Variants in PDCD11 observed in about 807,000 individuals in gnomAD.
The protein encoded by PDCD11 is programmed cell death 11.
PDCD11 carries 97 observed loss-of-function variants against 198.9 expected under a neutral mutation model. That is an observed-to-expected ratio of 0.49 (90% CI 0.41 to 0.58). The LOEUF (loss-of-function observed/expected upper bound fraction) is 0.58. PDCD11 is among the 20% of genes least tolerant of loss of function. PDCD11 has a pLI of 0.00. For synonymous variants in PDCD11, 893 were observed against 918.0 expected (o/e 0.97, Z 0.49); for missense variants, 2,102 against 2,312.7 (o/e 0.91, Z 1.87).
intron 25 of PDCD11, among the ~76,000 whole-genome samples, chr10:103,436,209 T>C (rs995348286): frequency 6.6e-6 from 1 of 152,104 alleles, no homozygotes; most frequent in Non-Finnish European, 1.5e-5. Context: ...CAAGCGATTC[T>C]TGTGCCTCAG....
At position 103,440,867 on chromosome 10, in the gene PDCD11, G is replaced by A. The variant is rs115545259; in HGVS notation, c.4557+17G>A. The A allele has an allele frequency of 1.6e-4, 248 of 1,565,476 alleles. No homozygotes were observed. The highest frequency in any genetic ancestry group is 2.0e-4 in the Non-Finnish European group (233 of 1,143,870). ...CTGCCCAAGGTGAGGGTGACGTCGC[G>A]GGGAGGGGAAGGCTGCTCCAGGCAA... On this transcript the variant is annotated intron_variant, in intron 30 of 35. Coordinates refer to ENST00000369797, the MANE Select transcript of PDCD11 (RefSeq NM_014976.2).
chr10:103,403,399 T>C lies in PDCD11; in HGVS notation c.402+114T>C, dbSNP rs1039297436. 4 of 949,720 alleles carry C rather than the reference T, an allele frequency of 4.2e-6. No homozygotes were observed. The African/African-American group carries it at 6.6e-5, about 16-fold the overall frequency. The allele number at this position is 949,720 out of a possible 1,614,324, so 58.8% of individuals were successfully genotyped here. A position where few individuals can be genotyped will look rare whatever the true frequency, so the allele number is the denominator to read the frequency against. ...GAAAGTACAAGGTCCCGTGAGAGTT[T>C]ATCATAAAGGAATTTTTGACTAAGT... On this transcript the variant is annotated intron_variant, in intron 4 of 35. Coordinates refer to ENST00000369797, the MANE Select transcript of PDCD11 (RefSeq NM_014976.2).
intron 2 of PDCD11, among the ~76,000 whole-genome samples, 173 bp from the exon 3 acceptor site, chr10:103,400,224 C>T (rs1415575668): frequency 7.0e-6 from 1 of 142,148 alleles, no homozygotes; most frequent in Non-Finnish European, 1.6e-5. Flanking sequence ...GCGGCCCCCC[C>T]CCTTTTTTTT....
chr10:103,411,642 G>A (rs756566695), intron 8 of PDCD11, among the ~76,000 whole-genome samples: 2 of 152,068 alleles, frequency 1.3e-5, no homozygotes, highest in Non-Finnish European at 2.9e-5. Context: ...GCTGGGATTA[G>A]CCTCCTAAAG....
intron 20 of PDCD11, among the ~76,000 whole-genome samples, chr10:103,425,757 G>A (rs546769704): frequency 1.2e-4 from 18 of 151,884 alleles, no homozygotes; most frequent in African/African-American, 4.1e-4. Flanking sequence ...TCGCCTCACT[G>A]CAAGCTCTGC....
chr10:103,410,900 C>G (rs913149491), intron 8 of PDCD11, among the ~76,000 whole-genome samples: 7 of 151,556 alleles, frequency 4.6e-5, no homozygotes, highest in Non-Finnish European at 8.8e-5. Flanking sequence ...ATGGTGAAAC[C>G]CCGTCTCTAC....
intron 17 of PDCD11, among the ~76,000 whole-genome samples, chr10:103,421,985 A>G (rs1383240650): frequency 6.8e-6 from 1 of 147,994 alleles, no homozygotes; most frequent in East Asian, 1.9e-4. Context: ...AAAAAAAAAA[A>G]AAAAAAAGAA....
At chr10:103,434,676 A>C in intron 24 of PDCD11, 122 bp from the exon 25 acceptor site, 1 of 733,160 alleles carries the variant, frequency 1.4e-6, no homozygotes, top group Non-Finnish European at 2.2e-6. Context: ...GTTCTGGATC[A>C]CTCAGCCCAG....
rs141565151 is a variant in PDCD11, at chr10:103,399,134, C to T, written c.102+606C>T. Among the ~76,000 whole-genome samples, 556 of 124,744 alleles carry T rather than the reference C, an allele frequency of 4.5e-3. 2 individuals carry two copies. Among genetic ancestry groups the T allele is most frequent in the African/African-American group, 0.016 (530 of 32,670 alleles). 81.8% of individuals were successfully genotyped at this position (124,744 alleles called of 152,430 possible). ...TTTTTTTTTTTTTTTTTTTTTGAGA[C>T]GAAGTCTTACTCTGTTGCCCATGCT... On this transcript the variant is annotated intron_variant, in intron 2 of 35. Coordinates refer to ENST00000369797, the MANE Select transcript of PDCD11 (RefSeq NM_014976.2).
intron 22 of PDCD11, among the ~76,000 whole-genome samples, chr10:103,433,702 C>T (rs1385969390): frequency 6.6e-6 from 1 of 152,152 alleles, no homozygotes; most frequent in Non-Finnish European, 1.5e-5. Flanking sequence ...TCTCTTTTGC[C>T]TCCTGGTCAG....
chr10:103,418,169 C>T (rs915687925), intron 14 of PDCD11, among the ~76,000 whole-genome samples: 1 of 152,152 alleles, frequency 6.6e-6, no homozygotes, highest in Non-Finnish European at 1.5e-5. Flanking sequence ...TCTTTCCTCT[C>T]GGGTCCCTAG....
intron 2 of PDCD11, among the ~76,000 whole-genome samples, chr10:103,399,135 G>A (rs1159990433): frequency 7.3e-6 from 1 of 137,230 alleles, no homozygotes; most frequent in Non-Finnish European, 1.5e-5. Flanking sequence ...TTTTTGAGAC[G>A]AAGTCTTACT....
chr10:103,418,692 T>A (rs1170901408), intron 15 of PDCD11, 58 bp downstream of exon 15: 1 of 1,381,986 alleles, frequency 7.2e-7, no homozygotes, highest in East Asian at 2.3e-5. Context: ...GGTGCTTGGA[T>A]GGGAAATTCT....
intron 18 of PDCD11, 61 bp from the exon 19 acceptor site, chr10:103,423,482 G>A (rs2031550326): frequency 1.6e-6 from 2 of 1,238,492 alleles, no homozygotes; most frequent in African/African-American, 1.5e-5. Context: ...ACATGTGAGA[G>A]GTGCTGCTCT....
intron 3 of PDCD11, among the ~76,000 whole-genome samples, chr10:103,400,917 G>A (rs1175838152): frequency 1.3e-5 from 2 of 152,088 alleles, no homozygotes; most frequent in Non-Finnish European, 2.9e-5. Flanking sequence ...ACCATGCCCA[G>A]CTAATTTTTA....
intron 25 of PDCD11, among the ~76,000 whole-genome samples, chr10:103,437,441 G>T (rs1290484637): frequency 6.6e-6 from 1 of 152,080 alleles, no homozygotes; most frequent in Non-Finnish European, 1.5e-5. Context: ...ACTACACCTG[G>T]CCCCAACACC....
At chr10:103,409,610 A>G (rs1275249171) in intron 7 of PDCD11, 89 bp from the exon 8 acceptor site, 10 of 821,870 alleles carry the variant, frequency 1.2e-5, no homozygotes, top group African/African-American at 3.4e-5. Flanking sequence ...TAGGGATACT[A>G]TGGCATTGAG....
At chr10:103,426,383 G>A (rs2031695225) in intron 20 of PDCD11, among the ~76,000 whole-genome samples, 2 of 152,210 alleles carry the variant, frequency 1.3e-5, no homozygotes, top group African/African-American at 4.8e-5. Context: ...TAACTGTGGG[G>A]TCTTCAGTAA....
In PDCD11 at chr10:103,424,993, G is replaced by A; in HGVS notation, c.2773G>A (p.Gly925Ser). The A allele has an allele frequency of 1.2e-6, 2 of 1,614,024 alleles. No homozygotes were observed. Among genetic ancestry groups the A allele is most frequent in the Non-Finnish European group, 8.5e-7 (1 of 1,179,900 alleles). Residue 925 changes from glycine to serine, a missense_variant, in exon 20 of 36, where the codon GGC (glycine) becomes AGC (serine). Transcript: ENST00000369797. ...CTTTTCTCTCTTCTAGCTGAGGAAA[G>A]GCAGCGAACACCAGGCGATTGTGCA... is the stretch of plus-strand genomic sequence containing the variant. ...VNRKARKLRK[G>S]SEHQAIVQHL...
Sources: allele counts gnomAD v4.1 joint callset (sites outside exome capture counted in the v4.1 genomes callset), GRCh38; gene constraint gnomAD v4.1.1; transcripts MANE v1.5; gene names NCBI Gene and HGNC (gene_info 2026-07-23, HGNC 2026-07-21).